GARRE1: variants seen among roughly 807,000 people sequenced by gnomAD.
The protein encoded by GARRE1 is granule associated Rac and RHOG effector 1.
Under a neutral mutation model 103.2 loss-of-function variants are expected in GARRE1, and 49 were observed. That is an observed-to-expected ratio of 0.47 (90% CI 0.38 to 0.60). The LOEUF is 0.60. GARRE1 is among the 20% of genes least tolerant of loss of function. The pLI, the probability that GARRE1 is intolerant of heterozygous loss-of-function variation, is 0.00. For missense variants in GARRE1, 1,199 were observed against 1,370.5 expected (o/e 0.87, Z 1.98); for synonymous variants, 505 against 532.8 (o/e 0.95, Z 0.72).
intron 1 of GARRE1, among the ~76,000 whole-genome samples, chr19:34,259,491 G>A (rs1424867295): frequency 2.0e-5 from 3 of 152,192 alleles, no homozygotes. Context: ...GAGCTGGACA[G>A]CACATCCTGG....
At position 34,319,897 on chromosome 19, in the gene GARRE1, G is replaced by A. The variant is rs748040528; in HGVS notation, c.496-10G>A. ...CAACCTAAACATCCCTGGCTGTCTT[G>A]TTTTCACAGGTGTTGGGGCGATGTT... On this transcript the variant is annotated splice_polypyrimidine_tract_variant and intron_variant, in intron 2 of 13. Transcript: ENST00000299505. 1.9e-6 allele frequency: 3 copies of A among 1,613,664 alleles called. No homozygotes were observed. The South Asian group carries it at 3.3e-5, about 18-fold the overall frequency.
At chr19:34,318,995 A>G (rs1237718044) in intron 2 of GARRE1, among the ~76,000 whole-genome samples, 1 of 148,762 alleles carries the variant, frequency 6.7e-6, no homozygotes. Flanking sequence ...AGCCTGGGTG[A>G]CAGAGCGAGA....
In GARRE1 at chr19:34,336,498, G is replaced by A. The variant is rs1295785285; in HGVS notation, c.1361+2697G>A. On this transcript the variant is annotated intron_variant, in intron 8 of 13. Coordinates refer to ENST00000299505, the MANE Select transcript of GARRE1 (RefSeq NM_014686.5). ...TTTTTTTTTTTTTTGAGATAGTTTCGTTCTTGTTGCCCACACTGGAGTGCA... is the reference window on the plus strand; with the variant it reads ...TTTTTTTTTTTTTTGAGATAGTTTCATTCTTGTTGCCCACACTGGAGTGCA... Among the ~76,000 whole-genome samples the A allele has an allele frequency of 3.8e-5, 5 of 132,934 alleles. 1 individual carries two copies. The highest frequency in any genetic ancestry group is 8.2e-5 in the Admixed American group (1 of 12,212). 87.2% of individuals were successfully genotyped at this position (132,934 alleles called of 152,430 possible). A position where few individuals can be genotyped will look rare whatever the true frequency, so the allele number is the denominator to read the frequency against.
intron 2 of GARRE1, among the ~76,000 whole-genome samples, chr19:34,309,011 C>T (rs149818752): frequency 1.4e-4 from 21 of 152,140 alleles, no homozygotes; most frequent in Non-Finnish European, 2.5e-4. Context: ...CATCACGTCT[C>T]CTGATGTGCT....
intron 2 of GARRE1, among the ~76,000 whole-genome samples, chr19:34,305,044 G>A (rs8102329): frequency 0.088 from 13,298 of 151,874 alleles, 849 homozygotes; most frequent in African/African-American, 0.17. Flanking sequence ...CGCCCGTCTC[G>A]GCCTCCCAAA....
At chr19:34,279,862 G>A (rs2145221132) in intron 1 of GARRE1, among the ~76,000 whole-genome samples, 1 of 150,608 alleles carries the variant, frequency 6.6e-6, no homozygotes, top group Admixed American at 6.6e-5. Context: ...GCGGGCGCCT[G>A]TAGTCCCAGC....
intron 2 of GARRE1, among the ~76,000 whole-genome samples, chr19:34,317,092 C>T (rs1404662165): frequency 6.6e-6 from 1 of 152,212 alleles, no homozygotes; most frequent in African/African-American, 2.4e-5. Flanking sequence ...CAGAACTTTG[C>T]CCCTTAGTAG....
intron 6 of GARRE1, 142 bp from the exon 7 acceptor site, chr19:34,330,047 C>T (rs934319020): frequency 2.0e-5 from 15 of 734,064 alleles, no homozygotes; most frequent in South Asian, 7.2e-5. Flanking sequence ...TTCGTGCCAC[C>T]GGACTGCAGC....
In GARRE1 at chr19:34,311,665, C is replaced by T. The variant is rs1000066670; in HGVS notation, c.496-8242C>T. 2.4e-4 allele frequency among the ~76,000 whole-genome samples: 36 copies of T among 152,156 alleles called. 1 individual carries two copies. The highest frequency in any genetic ancestry group is 8.7e-4 in the African/African-American group (36 of 41,428). On this transcript the variant is annotated intron_variant, in intron 2 of 13. Transcript: ENST00000299505. ...CGCTCTTGTTGTCCAGGCTGGAGTA[C>T]AGTGGTGCGATCTCGGCTCACTGCA...
chr19:34,313,557 G>C (rs539379693), intron 2 of GARRE1, among the ~76,000 whole-genome samples: 5 of 152,192 alleles, frequency 3.3e-5, no homozygotes, highest in African/African-American at 4.8e-5. Flanking sequence ...CAAGTGATGT[G>C]TCATGATGAG....
In GARRE1 at chr19:34,325,848, C is replaced by T. The variant is rs557043130; in HGVS notation, c.706-1573C>T. ...TACCTTGGATCCTCGGCCTGTTTCA[C>T]GGACCCGTCTGTAGGTCTTGACACC... On this transcript the variant is annotated intron_variant, in intron 3 of 13. Transcript: ENST00000299505. Among the ~76,000 whole-genome samples, 101 of 152,226 alleles carry T rather than the reference C, an allele frequency of 6.6e-4. 1 individual carries two copies. Among genetic ancestry groups the T allele is most frequent in the South Asian group, 3.3e-3 (16 of 4,822 alleles).
chr19:34,324,750 G>C (rs2074104354), intron 3 of GARRE1, among the ~76,000 whole-genome samples: 1 of 152,014 alleles, frequency 6.6e-6, no homozygotes, highest in South Asian at 2.1e-4. Flanking sequence ...CCTGCACCCG[G>C]TCTGTAAATG....
intron 3 of GARRE1, among the ~76,000 whole-genome samples, chr19:34,323,724 C>T (rs907346626): frequency 5.3e-5 from 8 of 152,150 alleles, no homozygotes; most frequent in African/African-American, 7.2e-5. Context: ...AGCTCACACA[C>T]GTGAACCTAA....
chr19:34,293,715 AACAC>A (rs146336774), intron 1 of GARRE1, among the ~76,000 whole-genome samples: 24 of 100,470 alleles, frequency 2.4e-4, no homozygotes, highest in South Asian at 7.3e-4. Flanking sequence ...TAAACATATA[AACAC>A]ACACACACAC....
At chr19:34,296,042 A>G (rs1355857355) in intron 1 of GARRE1, among the ~76,000 whole-genome samples, 1 of 152,080 alleles carries the variant, frequency 6.6e-6, no homozygotes, top group African/African-American at 2.4e-5. Context: ...TTATGCCAGT[A>G]TTTCACTGCT....
intron 1 of GARRE1, among the ~76,000 whole-genome samples, chr19:34,263,355 A>C (rs964998067): frequency 1.3e-5 from 2 of 152,182 alleles, no homozygotes; most frequent in Non-Finnish European, 2.9e-5. Flanking sequence ...GATAGAAAAG[A>C]AACAGTGGTT....
intron 1 of GARRE1, among the ~76,000 whole-genome samples, chr19:34,278,288 A>G (rs563953485): frequency 2.6e-5 from 4 of 151,836 alleles, no homozygotes; most frequent in Non-Finnish European, 5.9e-5. Context: ...TGCTAAAAAT[A>G]CAAAAATTAG....
chr19:34,321,223 A>ATTTT (rs71165648), intron 3 of GARRE1, among the ~76,000 whole-genome samples: 4 of 77,376 alleles, frequency 5.2e-5, no homozygotes, highest in Non-Finnish European at 1.1e-4. Flanking sequence ...AGCCCGGCTA[A>ATTTT]TTTTTTTTTT....
chr19:34,265,282 G>T (rs1459970285), intron 1 of GARRE1, among the ~76,000 whole-genome samples: 2 of 152,204 alleles, frequency 1.3e-5, no homozygotes, highest in Non-Finnish European at 2.9e-5. Flanking sequence ...TTGGCTCCCA[G>T]ACTTGGGTGC....
Sources: gnomAD v4.1 joint callset for allele counts (sites outside exome capture counted in the v4.1 genomes callset) on GRCh38, gnomAD v4.1.1 for gene constraint, MANE v1.5 for transcripts, NCBI Gene and HGNC (gene_info 2026-07-23, HGNC 2026-07-21) for gene names.